The following SDCCAG8 variants were observed in gnomAD, a reference collection of about 807,000 sequenced individuals.
The protein encoded by SDCCAG8 is SHH signaling and ciliogenesis regulator SDCCAG8, also known as serologically defined colon cancer antigen 8.
SDCCAG8 carries 74 observed loss-of-function variants against 101.8 expected under a neutral mutation model. The observed-to-expected ratio is 0.73, with a 90% confidence interval of 0.60 to 0.88. The LOEUF (loss-of-function observed/expected upper bound fraction) is 0.88, where lower values mean the gene tolerates loss of function less well. Ranked by LOEUF, SDCCAG8 falls within the 40% of genes least tolerant of loss-of-function variation. The probability of loss-of-function intolerance (pLI) is 0.00; values close to 1 mark genes in which losing one functional copy is unlikely to be tolerated. For missense variants in SDCCAG8, 787 were observed against 822.6 expected (o/e 0.96, Z 0.53); for synonymous variants, 281 against 292.9 (o/e 0.96, Z 0.41).
At chr1:243,456,700 G>T (rs1226023324) in intron 16 of SDCCAG8, among the ~76,000 whole-genome samples, 4 of 152,094 alleles carry the variant, frequency 2.6e-5, no homozygotes, top group Non-Finnish European at 5.9e-5. Context: ...TGGTAAAGGG[G>T]TAGGGGATTA....
chr1:243,387,407 C>T (rs1483477032), intron 13 of SDCCAG8, among the ~76,000 whole-genome samples: 2 of 152,114 alleles, frequency 1.3e-5, no homozygotes, highest in Non-Finnish European at 2.9e-5. Flanking sequence ...TCTCCTTTTA[C>T]ATAAATGATC....
intron 11 of SDCCAG8, among the ~76,000 whole-genome samples, chr1:243,343,231 A>C (rs2075490524): frequency 6.6e-6 from 1 of 152,254 alleles, no homozygotes; most frequent in South Asian, 2.1e-4. Flanking sequence ...AATACCAAAT[A>C]CTTGAAAAGT....
intron 5 of SDCCAG8, among the ~76,000 whole-genome samples, chr1:243,290,305 C>T (rs2070114639): frequency 6.6e-6 from 1 of 151,234 alleles, no homozygotes; most frequent in African/African-American, 2.4e-5. Flanking sequence ...GGTTAAGTAG[C>T]ATTCAAGTTT....
At position 243,499,736 on chromosome 1, in the gene SDCCAG8, C is replaced by G. The variant is rs753870692; in HGVS notation, c.2113-20C>G. 6.2e-7 allele frequency: 1 copy of G among 1,601,402 alleles called. No homozygotes were observed. Among genetic ancestry groups the G allele is most frequent in the Non-Finnish European group, 8.6e-7 (1 of 1,168,684 alleles). On this transcript the variant is annotated intron_variant, in intron 17 of 17. Coordinates refer to ENST00000366541, the MANE Select transcript of SDCCAG8 (RefSeq NM_006642.5). ...GAAGAACATGAGCTATTGAAACTTA[C>G]TTTTTATTATTTTTTCCAGTTACCC...
chr1:243,287,418 T>G (rs1005945716), intron 5 of SDCCAG8, among the ~76,000 whole-genome samples: 9 of 152,148 alleles, frequency 5.9e-5, no homozygotes, highest in Non-Finnish European at 1.2e-4. Context: ...TTTGAAGTTT[T>G]TTTTTTTTTT....
At position 243,400,534 on chromosome 1, in the gene SDCCAG8, G is replaced by A. The variant is rs547485873; in HGVS notation, c.1617-15168G>A. On this transcript the variant is annotated intron_variant, in intron 13 of 17. Transcript: ENST00000366541. ...TTCATTTAGTCATTTCTCTAAAATG[G>A]GGGTGTGGGGTGGGGAAGCATCTTT... Among the ~76,000 whole-genome samples the A allele has an allele frequency of 1.2e-4, 19 of 152,276 alleles. No individual in the cohort carries two copies. In the South Asian group the frequency reaches 3.9e-3, roughly 32 times the overall value.
intron 16 of SDCCAG8, among the ~76,000 whole-genome samples, chr1:243,472,325 T>C (rs553555258): frequency 9.7e-4 from 148 of 152,314 alleles, no homozygotes; most frequent in African/African-American, 3.4e-3. Flanking sequence ...CAGTTTGAAT[T>C]AAGTCATCAG....
At chr1:243,350,647 A>C (rs2076032914) in intron 12 of SDCCAG8, among the ~76,000 whole-genome samples, 1 of 152,250 alleles carries the variant, frequency 6.6e-6, no homozygotes, top group African/African-American at 2.4e-5. Context: ...TATTTCAAGG[A>C]AAAAGTTAAA....
chr1:243,463,696 A>T (rs1444032858), intron 16 of SDCCAG8, among the ~76,000 whole-genome samples: 2 of 152,216 alleles, frequency 1.3e-5, no homozygotes, highest in African/African-American at 4.8e-5. Flanking sequence ...TAAATTCACC[A>T]TATGATTAGG....
chr1:243,308,680 A>G (rs570682497), intron 8 of SDCCAG8, among the ~76,000 whole-genome samples: 3 of 152,336 alleles, frequency 2.0e-5, no homozygotes, highest in African/African-American at 7.2e-5. Flanking sequence ...TTGAGGGTTA[A>G]CTGAGAACAA....
Position 243,334,736 on chromosome 1 carries a change from G to A in SDCCAG8, c.1221+4044G>A, listed in dbSNP as rs528052412. Among the ~76,000 whole-genome samples, 3 of 152,256 alleles carry A rather than the reference G, an allele frequency of 2.0e-5. No individual in the cohort carries two copies. In the South Asian group the frequency reaches 6.2e-4, roughly 32 times the overall value. ...TTCCCAGGTAGCTGGGACTAGAGAG[G>A]TGTGCCACCATGCCTGGCTAATTGT... On this transcript the variant is annotated intron_variant, in intron 10 of 17. Coordinates refer to ENST00000366541, the MANE Select transcript of SDCCAG8 (RefSeq NM_006642.5).
At chr1:243,374,839 A>G (rs2077502315) in intron 12 of SDCCAG8, among the ~76,000 whole-genome samples, 1 of 152,132 alleles carries the variant, frequency 6.6e-6, no homozygotes, top group Non-Finnish European at 1.5e-5. Context: ...AGAAGGATAT[A>G]TCCAGTTCTT....
At position 243,293,203 on chromosome 1, in the gene SDCCAG8, G is replaced by A; in HGVS notation, c.659G>A (p.Gly220Asp). The A allele has an allele frequency of 1.2e-6, 2 of 1,614,116 alleles. No individual in the cohort carries two copies. Among genetic ancestry groups the A allele is most frequent in the Middle Eastern group, 1.6e-4 (1 of 6,062 alleles). The part of the protein sequence containing the change: ...NADFGKAASA[G>D]EQLELEKLKL... Reference sequence around the variant, plus strand: ...GATTTTGGCAAAGCTGCATCTGCTGGTGAGCAGCTAGAACTGGTGAGTATT... The same window carrying A: ...GATTTTGGCAAAGCTGCATCTGCTGATGAGCAGCTAGAACTGGTGAGTATT... Residue 220 changes from glycine (G) to aspartate (D), a missense_variant, in exon 6 of 18, where the codon GGT becomes GAT. Coordinates refer to ENST00000366541, the MANE Select transcript of SDCCAG8 (RefSeq NM_006642.5).
intron 12 of SDCCAG8, among the ~76,000 whole-genome samples, chr1:243,350,762 A>T (rs2932629): frequency 0.89 from 135,388 of 152,136 alleles, 62,363 homozygotes; most frequent in East Asian, 1. Context: ...GACAGTAAGG[A>T]GATTGAAATT....
At chr1:243,287,984 TA>T (rs1200987544) in intron 5 of SDCCAG8, among the ~76,000 whole-genome samples, 1 of 152,202 alleles carries the variant, frequency 6.6e-6, no homozygotes, top group African/African-American at 2.4e-5. Context: ...GTCAGAATCA[TA>T]GAAAGGATAA....
intron 17 of SDCCAG8, among the ~76,000 whole-genome samples, 164 bp downstream of exon 17, chr1:243,489,304 A>G (rs999555416): frequency 2.0e-5 from 3 of 152,222 alleles, no homozygotes; most frequent in African/African-American, 7.2e-5. Flanking sequence ...GGACCCAGAG[A>G]AGCGGAGCCA....
rs5782265 is a variant in SDCCAG8, at chr1:243,499,640, G to GT, written c.2113-109dup. The GT allele has an allele frequency of 0.016, 13,457 of 846,900 alleles. 1,201 individuals are homozygous for GT. In the African/African-American group the frequency reaches 0.2, roughly 12 times the overall value. The allele number at this position is 846,900 out of a possible 1,614,324, so 52.5% of individuals were successfully genotyped here. On this transcript the variant is annotated intron_variant, in intron 17 of 17. Coordinates refer to ENST00000366541, the MANE Select transcript of SDCCAG8 (RefSeq NM_006642.5). ...ATAATTTCCACATTTTTAGCAACAG[G>GT]TTTTTTTCTCCAACAACAGTTTTCA...
At chr1:243,392,934 G>T (rs572541380) in intron 13 of SDCCAG8, among the ~76,000 whole-genome samples, 1 of 152,230 alleles carries the variant, frequency 6.6e-6, no homozygotes, top group Admixed American at 6.5e-5. Flanking sequence ...CCAAATTAAA[G>T]AAAATGAAAT....
intron 10 of SDCCAG8, among the ~76,000 whole-genome samples, chr1:243,331,290 A>T (rs576685118): frequency 6.6e-6 from 1 of 152,344 alleles, no homozygotes; most frequent in African/African-American, 2.4e-5. Context: ...GTTGAGTGGG[A>T]CCTAGCTTTA....
Sources: gnomAD v4.1 joint callset for allele counts (sites outside exome capture counted in the v4.1 genomes callset) on GRCh38, gnomAD v4.1.1 for gene constraint, MANE v1.5 for transcripts, NCBI Gene and HGNC (gene_info 2026-07-23, HGNC 2026-07-21) for gene names.